Variants in MAP4K5 observed in about 807,000 individuals in gnomAD.
MAP4K5 encodes the protein mitogen-activated protein kinase kinase kinase kinase 5.
In MAP4K5, 82 loss-of-function variants were observed where a neutral mutation model predicts 135.6. The observed-to-expected ratio is 0.60, with a 90% CI of 0.51 to 0.73. MAP4K5 has a LOEUF of 0.73. Ranked by LOEUF, MAP4K5 falls within the 30% of genes least tolerant of loss-of-function variation. The pLI is 0.00. For missense variants in MAP4K5, 907 were observed against 1,010.9 expected (o/e 0.90, Z 1.39); for synonymous variants, 347 against 335.0 (o/e 1.04, Z -0.39).
In MAP4K5 at chr14:50,464,061, T is replaced by A. The variant is rs1489298040; in HGVS notation, c.810A>T (p.Arg270Ser). The change falls in exon 12 of 33, where the codon AGA becomes AGT. Residue 270 changes from arginine (R) to serine (S), a missense_variant. Transcript: ENST00000682126. ...KNPKKRPTAERLLTHTFVAQP... is the reference protein window; with the variant it reads ...KNPKKRPTAESLLTHTFVAQP... ...AATTTCAATGACTTACAGTCAGAAGTCTTTCAGCAGTTGGTCTTTTTTTTG... is the reference window on the plus strand; with the variant it reads ...AATTTCAATGACTTACAGTCAGAAGACTTTCAGCAGTTGGTCTTTTTTTTG... The A allele has an allele frequency of 1.3e-6, 2 of 1,539,438 alleles. No homozygotes were observed. The highest frequency in any genetic ancestry group is 1.8e-6 in the Non-Finnish European group (2 of 1,135,312).
At chr14:50,482,469 C>A in intron 5 of MAP4K5, 53 bp from the exon 6 acceptor site, 2 of 1,228,670 alleles carry the variant, frequency 1.6e-6, no homozygotes, top group Non-Finnish European at 2.1e-6. Flanking sequence ...ACATTAGAAA[C>A]AGTCTACTTA....
At chr14:50,544,694 G>A (rs2038605882) in intron 1 of MAP4K5, among the ~76,000 whole-genome samples, 1 of 152,032 alleles carries the variant, frequency 6.6e-6, no homozygotes, top group African/African-American at 2.4e-5. Context: ...AGAGCTTTGG[G>A]AGGCTGAGGT....
At chr14:50,434,674 T>C in intron 27 of MAP4K5, 103 bp from the exon 28 acceptor site, 2 of 1,040,252 alleles carry the variant, frequency 1.9e-6, no homozygotes, top group Non-Finnish European at 2.8e-6. Context: ...TCTTCATTTA[T>C]CTAGTTCTAA....
At chr14:50,526,045 C>T (rs866016205) in intron 2 of MAP4K5, among the ~76,000 whole-genome samples, 13 of 152,176 alleles carry the variant, frequency 8.5e-5, no homozygotes, top group African/African-American at 2.9e-4. Flanking sequence ...AAACTCATCA[C>T]GGCTTCTCAA....
At chr14:50,420,831 T>C (rs2035712535) in intron 32 of MAP4K5, among the ~76,000 whole-genome samples, 1 of 150,978 alleles carries the variant, frequency 6.6e-6, no homozygotes, top group South Asian at 2.1e-4. Context: ...ATGGGGCCCC[T>C]CTCCCTAGTT....
intron 14 of MAP4K5, chr14:50,449,186 A>G (rs1198759992): frequency 5.6e-6 from 1 of 178,118 alleles, no homozygotes; most frequent in Non-Finnish European, 1.2e-5. Flanking sequence ...TTTAAGCTAC[A>G]GCTTCATGGC....
intron 2 of MAP4K5, among the ~76,000 whole-genome samples, chr14:50,529,659 T>C (rs888749287): frequency 1.3e-4 from 20 of 151,974 alleles, no homozygotes; most frequent in Middle Eastern, 3.4e-3. Context: ...TAAAACATTA[T>C]GTTGGTGATA....
intron 11 of MAP4K5, among the ~76,000 whole-genome samples, chr14:50,464,356 C>G (rs2036783703): frequency 1.3e-5 from 2 of 152,080 alleles, no homozygotes; most frequent in Admixed American, 1.3e-4. Context: ...AAAAATTACA[C>G]TAACAATCAG....
In MAP4K5 at chr14:50,464,066, C is replaced by G; in HGVS notation, c.805G>C (p.Glu269Gln). 6.5e-7 allele frequency: 1 copy of G among 1,543,004 alleles called. No homozygotes were observed. ...TKNPKKRPTAERLLTHTFVAQ... is the reference protein window; with the variant it reads ...TKNPKKRPTAQRLLTHTFVAQ... ...CAATGACTTACAGTCAGAAGTCTTT[C>G]AGCAGTTGGTCTTTTTTTTGGGTTT... The change falls in exon 12 of 33, where the codon GAA becomes CAA. Residue 269 changes from glutamate to glutamine, a missense_variant. Around this residue, in one of 3 missense-constraint regions of MAP4K5, gnomAD observed 690 missense variants for 777.4 expected, o/e 0.89. Transcript: ENST00000682126.
Position 50,468,722 on chromosome 14 carries a change from G to A in MAP4K5, c.603C>T (p.Ile201=), listed in dbSNP as rs1243699680. The part of the protein sequence containing the change: ...KNGGYNQLCD[I]WAVGITAIEL... ...CAATTGCTGTTATTCCTACTGCCCAGATATCACAGAGTTGGTTGTAGCCAC... is the reference window on the plus strand; with the variant it reads ...CAATTGCTGTTATTCCTACTGCCCAAATATCACAGAGTTGGTTGTAGCCAC... The change falls in exon 10 of 33, where the codon ATC becomes ATT. Residue 201 remains isoleucine (I), a synonymous_variant. Transcript: ENST00000682126. 1.2e-6 allele frequency: 2 copies of A among 1,612,858 alleles called. No homozygotes were observed. The highest frequency in any genetic ancestry group is 1.7e-6 in the Non-Finnish European group (2 of 1,179,324).
intron 3 of MAP4K5, among the ~76,000 whole-genome samples, chr14:50,500,294 G>A (rs2037681410): frequency 1.3e-5 from 2 of 152,130 alleles, no homozygotes; most frequent in Admixed American, 6.6e-5. Flanking sequence ...GTCCTATGCA[G>A]CGAACTAAAA....
chr14:50,443,608 C>A, intron 20 of MAP4K5, 121 bp downstream of exon 20: 4 of 779,396 alleles, frequency 5.1e-6, no homozygotes, highest in East Asian at 2.8e-5. Context: ...CAAATGCATT[C>A]AATATCTTTG....
chr14:50,461,337 G>A (rs1019629204), intron 13 of MAP4K5, among the ~76,000 whole-genome samples: 2 of 151,872 alleles, frequency 1.3e-5, no homozygotes, highest in Non-Finnish European at 2.9e-5. Context: ...CACACAGTAT[G>A]ATATTTATAG....
intron 8 of MAP4K5, among the ~76,000 whole-genome samples, chr14:50,475,435 GCACAAAAAATAAAA>G (rs529125016): frequency 1.2e-3 from 177 of 150,956 alleles, no homozygotes; most frequent in African/African-American, 4.1e-3. Flanking sequence ...AAAAAAAAAA[GCACAAAAAATAAAA>G]CACATGGGAG....
intron 3 of MAP4K5, among the ~76,000 whole-genome samples, chr14:50,494,606 T>C (rs1222660508): frequency 6.6e-6 from 1 of 152,058 alleles, no homozygotes; most frequent in Non-Finnish European, 1.5e-5. Context: ...TTTAAGAGAC[T>C]CTCCATAGCC....
intron 2 of MAP4K5, 73 bp downstream of exon 2, chr14:50,531,869 A>C: frequency 9.3e-7 from 1 of 1,072,824 alleles, no homozygotes; most frequent in Non-Finnish European, 1.4e-6. Flanking sequence ...TCGCCCCAAT[A>C]CTTCGCAGGA....
At chr14:50,490,128 A>AGAGT (rs1398084850) in intron 3 of MAP4K5, among the ~76,000 whole-genome samples, 3 of 63,582 alleles carry the variant, frequency 4.7e-5, no homozygotes, top group Admixed American at 3.7e-4. Flanking sequence ...AGAGCGAGTG[A>AGAGT]GAGTGTGTGT....
chr14:50,448,523 T>G (rs2036409982), intron 15 of MAP4K5, among the ~76,000 whole-genome samples: 1 of 151,830 alleles, frequency 6.6e-6, no homozygotes, highest in African/African-American at 2.4e-5. Context: ...ATTCTGCGTA[T>G]TTAATAACAT....
At chr14:50,514,243 AT>A (rs5808555) in intron 2 of MAP4K5, among the ~76,000 whole-genome samples, 2 of 147,918 alleles carry the variant, frequency 1.4e-5, no homozygotes, top group East Asian at 2.0e-4. Flanking sequence ...GGCCTGGCTA[AT>A]TTTTTTTTTT....
Sources: allele counts gnomAD v4.1 joint callset (sites outside exome capture counted in the v4.1 genomes callset), GRCh38; gene constraint gnomAD v4.1.1; regional missense constraint gnomAD v4.1.1; transcripts MANE v1.5; gene names NCBI Gene and HGNC (gene_info 2026-07-23, HGNC 2026-07-21).